The following IMMP2L variants were observed in gnomAD, a reference collection of about 807,000 sequenced individuals.
IMMP2L encodes inner mitochondrial membrane peptidase subunit 2, also known as mitochondrial inner membrane protease subunit 2.
A neutral mutation model predicts 19.3 loss-of-function variants in IMMP2L; 18 were observed. That is an observed-to-expected ratio of 0.93 (90% confidence interval 0.64 to 1.38). The LOEUF (loss-of-function observed/expected upper bound fraction) is 1.38. Among genes scored for constraint, IMMP2L ranks in the 40% most tolerant of loss-of-function variants. The probability of loss-of-function intolerance (pLI) is 0.00; values close to 1 mark genes in which losing one functional copy is unlikely to be tolerated. For missense variants in IMMP2L, 233 were observed against 218.2 expected, an observed-to-expected ratio of 1.07 and a Z score of -0.43; for synonymous variants, 76 against 73.0, an observed-to-expected ratio of 1.04 and a Z score of -0.21.
rs1358773267 is a variant in IMMP2L, at chr7:110,758,211, T to C, written c.409-94490A>G. 6.6e-6 allele frequency among the ~76,000 whole-genome samples: 1 copy of C among 151,992 alleles called. No individual in the cohort carries two copies. Among genetic ancestry groups the C allele is most frequent in the African/African-American group, 2.4e-5 (1 of 41,412 alleles). The stretch of plus-strand genomic sequence containing the variant: ...GAGTCATTATTAACACTGAGAAGAC[T>C]GGTTTCTGTACAGTGATGTGGGTGA... On this transcript the variant is annotated intron_variant, in intron 5 of 5. Transcript: ENST00000405709. This position sits in a 1 kb window ranked among gnomAD's most constrained non-coding sequence, Gnocchi z 4.6.
intron 3 of IMMP2L, among the ~76,000 whole-genome samples, chr7:111,369,306 T>C (rs1830066133): frequency 6.6e-6 from 1 of 151,994 alleles, no homozygotes; most frequent in Admixed American, 6.6e-5. Context: ...TATAGGTTTT[T>C]ACATTTTGTA....
chr7:111,124,185 C>G, intron 3 of IMMP2L: 1 of 1,613,884 alleles, frequency 6.2e-7, no homozygotes, highest in South Asian at 1.1e-5. Flanking sequence ...CCCTGACAGA[C>G]AAGTTCTATG....
chr7:110,934,975 G>A (rs259015), intron 4 of IMMP2L, among the ~76,000 whole-genome samples: 2 of 151,942 alleles, frequency 1.3e-5, no homozygotes, highest in Admixed American at 6.6e-5. Context: ...GTCTTTTAAC[G>A]GGGGCATTTA....
intron 3 of IMMP2L, among the ~76,000 whole-genome samples, chr7:110,967,687 C>A (rs775903521): frequency 6.6e-6 from 1 of 152,052 alleles, no homozygotes; most frequent in East Asian, 1.9e-4. Context: ...AAAGGAAAAA[C>A]GAATATTCTG....
chr7:111,204,391 C>T (rs996620859), intron 3 of IMMP2L, among the ~76,000 whole-genome samples: 2 of 152,040 alleles, frequency 1.3e-5, no homozygotes, highest in African/African-American at 4.8e-5. Flanking sequence ...ATATCATCAC[C>T]TCTGCAAGAC....
intron 5 of IMMP2L, among the ~76,000 whole-genome samples, chr7:110,863,252 T>C (rs1361255800): frequency 6.6e-6 from 1 of 152,122 alleles, no homozygotes; most frequent in Non-Finnish European, 1.5e-5. Context: ...ACTTTACATG[T>C]TGGTCATGGG....
rs148758247 is a variant in IMMP2L, at chr7:111,181,690, C to A, written c.240-218125G>T. Among the ~76,000 whole-genome samples, 912 of 152,082 alleles carry A rather than the reference C, an allele frequency of 6.0e-3. 8 individuals are homozygous for A. Among genetic ancestry groups the A allele is most frequent in the South Asian group, 0.02 (98 of 4,824 alleles). On this transcript the variant is annotated intron_variant, in intron 3 of 5. Coordinates refer to ENST00000405709, the MANE Select transcript of IMMP2L (RefSeq NM_032549.4). ...GATAAATGTGCAGGTTTTATATAAA[C>A]CTAAACAAATGACCAGCATCATTTA...
intron 3 of IMMP2L, among the ~76,000 whole-genome samples, chr7:111,462,220 T>C (rs1240238371): frequency 6.6e-6 from 1 of 152,134 alleles, no homozygotes; most frequent in Non-Finnish European, 1.5e-5. Flanking sequence ...CCAGCTTGCT[T>C]ACATAAATAG....
At chr7:110,747,706 T>C (rs1393643432) in intron 5 of IMMP2L, among the ~76,000 whole-genome samples, 2 of 152,298 alleles carry the variant, frequency 1.3e-5, no homozygotes, top group African/African-American at 2.4e-5. Flanking sequence ...CAGCCCTTCA[T>C]GCTAAAAACT....
chr7:111,441,747 T>C lies in IMMP2L; in HGVS notation c.239+45491A>G, dbSNP rs1585111783. 2.0e-5 allele frequency among the ~76,000 whole-genome samples: 3 copies of C among 148,070 alleles called. No individual in the cohort carries two copies. In the South Asian group the frequency reaches 6.3e-4, roughly 31 times the overall value. The stretch of plus-strand genomic sequence containing the variant: ...AAAAAAAAAAAAAAAGAAAACACAG[T>C]ATCTGCAAAGTGCAATGAGATGAAA... On this transcript the variant is annotated intron_variant, in intron 3 of 5. Transcript: ENST00000405709.
At chr7:111,241,568 C>A (rs138309722) in intron 3 of IMMP2L, among the ~76,000 whole-genome samples, 3 of 151,950 alleles carry the variant, frequency 2.0e-5, no homozygotes, top group Non-Finnish European at 2.9e-5. Flanking sequence ...CTTACTGATA[C>A]AATGTAACTG....
At chr7:111,226,534 T>C (rs113675622) in intron 3 of IMMP2L, among the ~76,000 whole-genome samples, 4 of 152,184 alleles carry the variant, frequency 2.6e-5, no homozygotes, top group African/African-American at 9.6e-5. Flanking sequence ...TCTGGGGAAT[T>C]AAACCTCTGA....
chr7:111,362,483 ATTT>A (rs1829356236), intron 3 of IMMP2L, among the ~76,000 whole-genome samples: 1 of 151,384 alleles, frequency 6.6e-6, no homozygotes, highest in African/African-American at 2.4e-5. Flanking sequence ...TTTTTTTTCT[ATTT>A]TTTATTTTCT....
intron 3 of IMMP2L, among the ~76,000 whole-genome samples, chr7:111,118,885 G>A (rs563909017): frequency 6.6e-6 from 1 of 152,172 alleles, no homozygotes; most frequent in Admixed American, 6.5e-5. Context: ...ACTCTCATTT[G>A]CAAAAGCTTT....
Position 111,499,730 on chromosome 7 carries a change from T to C in IMMP2L, c.136-12389A>G, listed in dbSNP as rs553031114. On this transcript the variant is annotated intron_variant, in intron 2 of 5. Transcript: ENST00000405709. ...AAATGTCCTTTAATTAAGATTCTTT[T>C]CTGTTCTCTGGAATGGTTCCCTAAT... 2.6e-5 allele frequency among the ~76,000 whole-genome samples: 4 copies of C among 152,276 alleles called. No individual in the cohort carries two copies. The South Asian group carries it at 8.3e-4, about 32-fold the overall frequency.
At chr7:111,497,085 G>A (rs1307931676) in intron 2 of IMMP2L, among the ~76,000 whole-genome samples, 2 of 152,022 alleles carry the variant, frequency 1.3e-5, no homozygotes, top group African/African-American at 4.8e-5. Flanking sequence ...ATTACACTAG[G>A]TTGTTAATTT....
intron 3 of IMMP2L, among the ~76,000 whole-genome samples, chr7:111,074,184 G>T (rs1795190253): frequency 6.6e-6 from 1 of 152,164 alleles, no homozygotes; most frequent in Non-Finnish European, 1.5e-5. Context: ...CAGGTTAAAT[G>T]ACCTACCCAA....
intron 3 of IMMP2L, among the ~76,000 whole-genome samples, chr7:110,993,493 T>C (rs1335277607): frequency 1.3e-5 from 2 of 152,070 alleles, no homozygotes; most frequent in Admixed American, 6.6e-5. Context: ...GTTGCTTTTC[T>C]AGCTCTTCTT....
At chr7:110,748,296 C>A (rs1797493377) in intron 5 of IMMP2L, among the ~76,000 whole-genome samples, 1 of 152,096 alleles carries the variant, frequency 6.6e-6, no homozygotes, top group African/African-American at 2.4e-5. Context: ...TAGGAAGAAT[C>A]AATATCATCA....
Sources: allele counts gnomAD v4.1 joint callset (sites outside exome capture counted in the v4.1 genomes callset), GRCh38; gene constraint gnomAD v4.1.1; non-coding constraint Gnocchi (gnomAD v3.1); transcripts MANE v1.5; gene names NCBI Gene and HGNC (gene_info 2026-07-23, HGNC 2026-07-21).